The following ARMC2 variants were observed in gnomAD, a reference collection of about 807,000 sequenced individuals.
ARMC2 encodes armadillo repeat-containing protein 2.
In ARMC2, 67 loss-of-function variants were observed where a neutral mutation model predicts 90.3. That is an observed-to-expected ratio of 0.74 (90% CI 0.61 to 0.91). The LOEUF is 0.91. Ranked by LOEUF, ARMC2 falls within the 40% of genes least tolerant of loss-of-function variation. The pLI, the probability that ARMC2 is intolerant of heterozygous loss-of-function variation, is 0.00. For missense variants in ARMC2, 920 were observed against 1,030.9 expected, an observed-to-expected ratio of 0.89 and a Z score of 1.47; for synonymous variants, 393 against 393.0, an observed-to-expected ratio of 1.00 and a Z score of 0.00.
At chr6:108,944,564 C>T (rs560410863) in intron 12 of ARMC2, among the ~76,000 whole-genome samples, 2 of 152,218 alleles carry the variant, frequency 1.3e-5, no homozygotes, top group African/African-American at 2.4e-5. Flanking sequence ...AGACAAGCTG[C>T]GAGTTGCTGA....
At chr6:108,914,164 G>C (rs536711039) in intron 10 of ARMC2, among the ~76,000 whole-genome samples, 1 of 152,114 alleles carries the variant, frequency 6.6e-6, no homozygotes, top group Non-Finnish European at 1.5e-5. Flanking sequence ...ATGTCTGTGT[G>C]TGTGTATGTG....
chr6:108,940,215 G>A (rs1384882425), intron 12 of ARMC2, among the ~76,000 whole-genome samples: 4 of 152,190 alleles, frequency 2.6e-5, no homozygotes, highest in Non-Finnish European at 5.9e-5. Context: ...GCAGTGAGCC[G>A]AGATCGTGCC....
intron 8 of ARMC2, among the ~76,000 whole-genome samples, chr6:108,905,501 G>C (rs1330012914): frequency 6.7e-6 from 1 of 148,704 alleles, no homozygotes; most frequent in African/African-American, 2.5e-5. Context: ...TAGACATTTT[G>C]TTCCATACCA....
chr6:108,998,554 T>C, the ARMC2 span: 2 of 1,613,970 alleles, frequency 1.2e-6, no homozygotes, highest in Non-Finnish European at 1.7e-6. Flanking sequence ...TCATCCACAC[T>C]GTGATTGCCA....
At chr6:108,972,092 G>A (rs890883362) in intron 17 of ARMC2, among the ~76,000 whole-genome samples, 4 of 152,186 alleles carry the variant, frequency 2.6e-5, no homozygotes, top group African/African-American at 9.7e-5. Context: ...CACAGAGTGT[G>A]AGGCTCAACA....
intron 12 of ARMC2, among the ~76,000 whole-genome samples, chr6:108,951,186 C>T (rs1288310884): frequency 1.3e-5 from 2 of 152,198 alleles, no homozygotes; most frequent in East Asian, 1.9e-4. Context: ...GACTCATAAT[C>T]CCCTTTCACG....
intron 10 of ARMC2, among the ~76,000 whole-genome samples, chr6:108,919,805 A>T (rs145357780): frequency 6.6e-6 from 1 of 152,250 alleles, no homozygotes; most frequent in Non-Finnish European, 1.5e-5. Flanking sequence ...TCCCAGAGGG[A>T]ACCATTTTTC....
chr6:108,890,985 TA>T (rs1770969277), intron 5 of ARMC2, among the ~76,000 whole-genome samples: 1 of 149,830 alleles, frequency 6.7e-6, no homozygotes, highest in African/African-American at 2.5e-5. Context: ...AACTCCCACT[TA>T]TGAGTGAGAA....
intron 11 of ARMC2, among the ~76,000 whole-genome samples, chr6:108,929,426 A>C (rs1328350037): frequency 6.6e-6 from 1 of 152,106 alleles, no homozygotes; most frequent in African/African-American, 2.4e-5. Flanking sequence ...CCTGTACCAC[A>C]CTGTACTTAC....
intron 5 of ARMC2, among the ~76,000 whole-genome samples, chr6:108,890,217 A>AC (rs1287262219): frequency 8.9e-6 from 1 of 112,944 alleles, no homozygotes; most frequent in Non-Finnish European, 1.9e-5. Flanking sequence ...AAAAAAAAAA[A>AC]AAAAAAAAAA....
the ARMC2 span, among the ~76,000 whole-genome samples, chr6:109,023,772 T>C: frequency 6.6e-6 from 1 of 152,138 alleles, no homozygotes; most frequent in Non-Finnish European, 1.5e-5. Context: ...CCATTTGGCA[T>C]AAACAAAATG....
At chr6:108,975,001 CT>C (rs769081082), downstream of ARMC2, among the ~76,000 whole-genome samples, 114 of 147,748 alleles carry the variant, frequency 7.7e-4, 1 homozygote, top group Admixed American at 2.3e-3. Flanking sequence ...TTCTCTCTCT[CT>C]TTTTTTTTTT....
the ARMC2 span, among the ~76,000 whole-genome samples, chr6:108,985,735 A>G: frequency 6.6e-6 from 1 of 152,200 alleles, no homozygotes; most frequent in Non-Finnish European, 1.5e-5. Flanking sequence ...AAGAGCAGAA[A>G]TGGGATAAGT....
At position 108,973,513 on chromosome 6, in the gene ARMC2, A is replaced by G. The variant is rs927079833; in HGVS notation, c.2603A>G (p.Ter868=). Residue 868 remains the stop codon, a stop_retained_variant, in exon 18 of 18, where the codon TAA becomes TGA. Coordinates refer to ENST00000392644, the MANE Select transcript of ARMC2 (RefSeq NM_032131.6). ...FLEPLPIPSF[*] Reference sequence around the variant, plus strand: ...GAACCCCTGCCCATTCCCTCTTTCTAACATGATGCAGATTAACAGTAGAAA... The same window carrying G: ...GAACCCCTGCCCATTCCCTCTTTCTGACATGATGCAGATTAACAGTAGAAA... The G allele has an allele frequency of 6.2e-7, 1 of 1,608,674 alleles. No homozygotes were observed. Among genetic ancestry groups the G allele is most frequent in the Non-Finnish European group, 8.5e-7 (1 of 1,176,776 alleles).
At chr6:108,866,387 T>C (rs1275573571) in intron 3 of ARMC2, among the ~76,000 whole-genome samples, 1 of 152,252 alleles carries the variant, frequency 6.6e-6, no homozygotes, top group Non-Finnish European at 1.5e-5. Flanking sequence ...GTGCAACTTA[T>C]GCAGACAAAC....
chr6:109,033,436 A>G, the ARMC2 span, among the ~76,000 whole-genome samples: 1 of 152,214 alleles, frequency 6.6e-6, no homozygotes, highest in Non-Finnish European at 1.5e-5. Flanking sequence ...GTTTTGATGG[A>G]GATGCTTATC....
chr6:108,868,719 C>A, intron 3 of ARMC2, 105 bp from the exon 4 acceptor site: 3 of 985,118 alleles, frequency 3.0e-6, no homozygotes, highest in South Asian at 3.4e-5. Flanking sequence ...TGAAGGCAGG[C>A]AGATAGGCCT....
chr6:108,881,856 G>A (rs796304511), intron 5 of ARMC2, among the ~76,000 whole-genome samples: 9 of 152,316 alleles, frequency 5.9e-5, no homozygotes, highest in Admixed American at 2.6e-4. Context: ...TTTGGTGATT[G>A]CAAGTTTAAG....
chr6:108,903,041 G>A (rs900165739), intron 7 of ARMC2, among the ~76,000 whole-genome samples: 5 of 152,028 alleles, frequency 3.3e-5, no homozygotes, highest in South Asian at 2.1e-4. Context: ...GGTGACAAGC[G>A]TCTGGAGTCC....
Sources: gnomAD v4.1 joint callset for allele counts (sites outside exome capture counted in the v4.1 genomes callset) on GRCh38, gnomAD v4.1.1 for gene constraint, MANE v1.5 for transcripts, NCBI Gene and HGNC (gene_info 2026-07-23, HGNC 2026-07-21) for gene names.